TRPS1: variants seen among roughly 807,000 people sequenced by gnomAD.
TRPS1 encodes the protein transcriptional repressor GATA binding 1, also known as zinc finger transcription factor Trps1.
In TRPS1, 6 loss-of-function variants were observed where a neutral mutation model predicts 101.2. The ratio of observed to expected loss-of-function variants is 0.06; its 90% CI spans 0.03 to 0.12. The LOEUF (loss-of-function observed/expected upper bound fraction) is 0.12, where lower values mean the gene tolerates loss of function less well. Among genes scored for constraint, TRPS1 ranks in the 10% least tolerant of loss-of-function variants. The pLI, the probability that TRPS1 is intolerant of heterozygous loss-of-function variation, is 1.00. For synonymous variants in TRPS1, 578 were observed against 589.8 expected (o/e 0.98, Z 0.29); for missense variants, 1,363 against 1,567.0 (o/e 0.87, Z 2.20).
At chr8:115,513,676 G>A (rs1186343788) in intron 5 of TRPS1, among the ~76,000 whole-genome samples, 2 of 142,480 alleles carry the variant, frequency 1.4e-5, no homozygotes, top group Non-Finnish European at 3.1e-5. Flanking sequence ...GATACCATGT[G>A]GCTCAAAGAC....
intron 5 of TRPS1, among the ~76,000 whole-genome samples, chr8:115,524,587 G>A (rs1815949979): frequency 6.6e-6 from 1 of 151,882 alleles, no homozygotes; most frequent in Admixed American, 6.6e-5. Context: ...CCAAAGTGCT[G>A]GGATTACAGG....
rs1039760029 is a variant in TRPS1, at chr8:115,472,122, G to A, written c.2701-53670C>T. On this transcript the variant is annotated intron_variant, in intron 5 of 6. Transcript: ENST00000395715. The stretch of plus-strand genomic sequence containing the variant: ...AACTCTTTGTGGGGGGGCTCCTACC[G>A]CACATTTCCCTTCTGCATTGCCCTA... Among the ~76,000 whole-genome samples the A allele has an allele frequency of 1.1e-4, 17 of 152,280 alleles. No individual in the cohort carries two copies. The East Asian group carries it at 1.9e-3, about 17-fold the overall frequency.
At chr8:115,643,923 T>C (rs1818957151) in intron 1 of TRPS1, among the ~76,000 whole-genome samples, 1 of 152,240 alleles carries the variant, frequency 6.6e-6, no homozygotes, top group Admixed American at 6.5e-5. Flanking sequence ...AACATTCATC[T>C]CTTTGTACAT....
intron 5 of TRPS1, among the ~76,000 whole-genome samples, chr8:115,426,990 G>A (rs549224238): frequency 6.6e-6 from 1 of 152,038 alleles, no homozygotes; most frequent in African/African-American, 2.4e-5. Flanking sequence ...AAGCATTTTT[G>A]GCCAGGCGTG....
chr8:115,642,865 AAT>A (rs1563665501), intron 1 of TRPS1, among the ~76,000 whole-genome samples: 2 of 86,974 alleles, frequency 2.3e-5, no homozygotes, highest in Non-Finnish European at 5.3e-5. Flanking sequence ...TATATATATA[AAT>A]ATATATATTT....
At chr8:115,521,743 C>T (rs910286769) in intron 5 of TRPS1, among the ~76,000 whole-genome samples, 1 of 151,810 alleles carries the variant, frequency 6.6e-6, no homozygotes. Flanking sequence ...GTAGAAGATA[C>T]AACCTCAGAG....
intron 5 of TRPS1, among the ~76,000 whole-genome samples, chr8:115,477,713 T>C (rs1035494615): frequency 6.6e-6 from 1 of 152,226 alleles, no homozygotes; most frequent in Non-Finnish European, 1.5e-5. Context: ...CTTGTGTTCA[T>C]CTCTGTATCC....
intron 5 of TRPS1, among the ~76,000 whole-genome samples, chr8:115,472,669 T>C (rs1814501341): frequency 6.6e-6 from 1 of 152,198 alleles, no homozygotes; most frequent in Non-Finnish European, 1.5e-5. Flanking sequence ...CTTTTAAACA[T>C]AAGTGCCAAT....
At chr8:115,517,790 G>A (rs184082758) in intron 5 of TRPS1, among the ~76,000 whole-genome samples, 1 of 151,804 alleles carries the variant, frequency 6.6e-6, no homozygotes, top group Admixed American at 6.6e-5. Context: ...TCAAACCTTT[G>A]TCAGTCTGAC....
chr8:115,598,796 C>T (rs964132525), intron 4 of TRPS1, among the ~76,000 whole-genome samples: 2 of 152,176 alleles, frequency 1.3e-5, no homozygotes, highest in African/African-American at 4.8e-5. Flanking sequence ...ATTCCTCCTT[C>T]CTCCAGTTTC....
intron 5 of TRPS1, among the ~76,000 whole-genome samples, chr8:115,500,982 G>A (rs1011516997): frequency 5.3e-5 from 4 of 75,532 alleles, no homozygotes; most frequent in African/African-American, 2.2e-4. Flanking sequence ...CCATGTGTAT[G>A]TAGATCTTTC....
rs369332022 is a variant in TRPS1, at chr8:115,480,820, A to C, written c.2701-62368T>G. On this transcript the variant is annotated intron_variant, in intron 5 of 6. Transcript: ENST00000395715. ...AAGTGCCAATCTAGCATAATTAGTTAACAGGACTTGCTGTTGTGTAATTTT... is the reference window on the plus strand; with the variant it reads ...AAGTGCCAATCTAGCATAATTAGTTCACAGGACTTGCTGTTGTGTAATTTT... Among the ~76,000 whole-genome samples the C allele has an allele frequency of 2.2e-4, 34 of 152,276 alleles. No homozygotes were observed. In the East Asian group the frequency reaches 6.6e-3, roughly 29 times the overall value.
At chr8:115,567,614 A>G (rs1251766612) in intron 5 of TRPS1, among the ~76,000 whole-genome samples, 1 of 152,160 alleles carries the variant, frequency 6.6e-6, no homozygotes, top group African/African-American at 2.4e-5. Flanking sequence ...AAATTTCTAA[A>G]TAGCTTGATA....
At chr8:115,481,688 C>T (rs953587726) in intron 5 of TRPS1, among the ~76,000 whole-genome samples, 1 of 152,136 alleles carries the variant, frequency 6.6e-6, no homozygotes, top group Non-Finnish European at 1.5e-5. Flanking sequence ...CAGAGATTGA[C>T]TATGTTTAGA....
At chr8:115,577,925 AG>A (rs1817358640) in intron 5 of TRPS1, among the ~76,000 whole-genome samples, 1 of 152,182 alleles carries the variant, frequency 6.6e-6, no homozygotes, top group African/African-American at 2.4e-5. Context: ...GAAGGGTAGC[AG>A]GAGCATCATC....
chr8:115,525,250 C>T (rs1348742108), intron 5 of TRPS1, among the ~76,000 whole-genome samples: 1 of 151,924 alleles, frequency 6.6e-6, no homozygotes, highest in Non-Finnish European at 1.5e-5. Flanking sequence ...ATACAGAAAA[C>T]CTATCAGAGA....
At chr8:115,486,606 A>G (rs1401160512) in intron 5 of TRPS1, among the ~76,000 whole-genome samples, 1 of 152,268 alleles carries the variant, frequency 6.6e-6, no homozygotes, top group East Asian at 1.9e-4. Context: ...TGAATATACA[A>G]ATGATAAAAT....
intron 5 of TRPS1, among the ~76,000 whole-genome samples, chr8:115,463,669 G>A (rs992715244): frequency 6.6e-6 from 1 of 152,046 alleles, no homozygotes; most frequent in African/African-American, 2.4e-5. Flanking sequence ...GTATTTCATT[G>A]ATTTCAGCTC....
At chr8:115,463,808 C>T (rs925607226) in intron 5 of TRPS1, among the ~76,000 whole-genome samples, 1 of 151,940 alleles carries the variant, frequency 6.6e-6, no homozygotes, top group South Asian at 2.1e-4. Context: ...TCAGAGGGCA[C>T]ACCTTTCCTT....
Sources: allele counts gnomAD v4.1 joint callset (sites outside exome capture counted in the v4.1 genomes callset), GRCh38; gene constraint gnomAD v4.1.1; transcripts MANE v1.5; gene names NCBI Gene and HGNC (gene_info 2026-07-23, HGNC 2026-07-21).